CNGB3: variants seen among roughly 807,000 people sequenced by gnomAD.
CNGB3 encodes the protein cyclic nucleotide gated channel subunit beta 3.
Under a neutral mutation model 92.8 loss-of-function variants are expected in CNGB3, and 86 were observed. The ratio of observed to expected loss-of-function variants is 0.93; its 90% CI spans 0.78 to 1.11. CNGB3 has a LOEUF of 1.11. CNGB3 is among the 50% of genes least tolerant of loss of function. The probability of loss-of-function intolerance (pLI) is 0.00; values close to 1 mark genes in which losing one functional copy is unlikely to be tolerated. For missense variants in CNGB3, 1,026 were observed against 956.8 expected (o/e 1.07, Z -0.95); for synonymous variants, 333 against 332.7 (o/e 1.00, Z -0.01).
chr8:86,624,845 G>GC (rs1224716299), intron 13 of CNGB3, among the ~76,000 whole-genome samples: 3 of 152,158 alleles, frequency 2.0e-5, no homozygotes, highest in African/African-American at 7.2e-5. Flanking sequence ...CTGGTGGGAG[G>GC]TGATTAAATC....
chr8:86,721,081 C>T (rs1325969335), intron 3 of CNGB3, among the ~76,000 whole-genome samples: 2 of 151,944 alleles, frequency 1.3e-5, no homozygotes, highest in Admixed American at 1.3e-4. Flanking sequence ...ATTCTCATGC[C>T]TCAGCCTCCT....
intron 3 of CNGB3, among the ~76,000 whole-genome samples, chr8:86,676,392 T>C (rs1332104688): frequency 6.6e-6 from 1 of 152,188 alleles, no homozygotes; most frequent in African/African-American, 2.4e-5. Flanking sequence ...TGTTCATCGC[T>C]GCCTAATAGA....
intron 7 of CNGB3, among the ~76,000 whole-genome samples, chr8:86,651,987 C>G (rs1823411721): frequency 6.6e-6 from 1 of 151,894 alleles, no homozygotes; most frequent in Non-Finnish European, 1.5e-5. Flanking sequence ...GTATTGCCTA[C>G]TACACACGTA....
At chr8:86,659,026 C>A in intron 6 of CNGB3, 1 of 1,002,914 alleles carries the variant, frequency 1.0e-6, no homozygotes, top group Admixed American at 1.9e-5. Flanking sequence ...AGGTGCTCGG[C>A]CTCCACTTAT....
chr8:86,628,762 GA>G (rs35103848), intron 12 of CNGB3, among the ~76,000 whole-genome samples, 156 bp downstream of exon 12: 38,306 of 145,252 alleles, frequency 0.26, 5,252 homozygotes, highest in African/African-American at 0.37. Flanking sequence ...TATATTTCAG[GA>G]AAAAAAAAAA....
chr8:86,689,512 T>A (rs1018502806), intron 3 of CNGB3, among the ~76,000 whole-genome samples: 6 of 150,520 alleles, frequency 4.0e-5, no homozygotes, highest in Non-Finnish European at 7.4e-5. Flanking sequence ...TATATATATT[T>A]TTTTTACTTT....
At chr8:86,611,240 C>A (rs903346857) in intron 14 of CNGB3, among the ~76,000 whole-genome samples, 9 of 152,068 alleles carry the variant, frequency 5.9e-5, no homozygotes, top group African/African-American at 2.2e-4. Flanking sequence ...TGATATTTTG[C>A]CGAAGACATA....
At chr8:86,615,021 A>T (rs1375561883) in intron 13 of CNGB3, among the ~76,000 whole-genome samples, 1 of 152,230 alleles carries the variant, frequency 6.6e-6, no homozygotes, top group African/African-American at 2.4e-5. Context: ...ATACCACAAT[A>T]ACAAAATACA....
At chr8:86,714,131 T>A (rs1824802786) in intron 3 of CNGB3, among the ~76,000 whole-genome samples, 1 of 152,190 alleles carries the variant, frequency 6.6e-6, no homozygotes, top group Admixed American at 6.5e-5. Flanking sequence ...AGTATCACAC[T>A]GAGTTGTTTC....
chr8:86,682,746 A>G (rs185884856), intron 3 of CNGB3, among the ~76,000 whole-genome samples: 2 of 152,304 alleles, frequency 1.3e-5, no homozygotes, highest in East Asian at 1.9e-4. Flanking sequence ...CAATAATGCA[A>G]AATCGCATGT....
intron 15 of CNGB3, among the ~76,000 whole-genome samples, chr8:86,597,841 C>T (rs184985912): frequency 2.0e-4 from 31 of 152,000 alleles, no homozygotes; most frequent in Admixed American, 4.6e-4. Context: ...TAGCTGCGCA[C>T]GATGGCGAAA....
chr8:86,586,736 T>C (rs1267964916), intron 15 of CNGB3, among the ~76,000 whole-genome samples: 2 of 149,782 alleles, frequency 1.3e-5, no homozygotes, highest in Non-Finnish European at 3.0e-5. Flanking sequence ...CAGTCTATCA[T>C]TGTTGGACAT....
At chr8:86,690,631 C>T (rs1358501847) in intron 3 of CNGB3, among the ~76,000 whole-genome samples, 1 of 152,102 alleles carries the variant, frequency 6.6e-6, no homozygotes, top group Non-Finnish European at 1.5e-5. Context: ...GAAGTCCTTG[C>T]CCATGCCTAT....
At chr8:86,671,222 A>G in intron 3 of CNGB3, 124 bp from the exon 4 acceptor site, 1 of 1,036,098 alleles carries the variant, frequency 9.7e-7, no homozygotes. Flanking sequence ...TTGCAATTGA[A>G]TAGCACAATT....
chr8:86,613,845 C>A (rs1429692002), intron 13 of CNGB3, among the ~76,000 whole-genome samples: 4 of 148,382 alleles, frequency 2.7e-5, no homozygotes, highest in African/African-American at 4.9e-5. Flanking sequence ...ATATTGTTTT[C>A]CTGTGGCAGT....
At chr8:86,655,985 A>G (rs1417124045) in intron 6 of CNGB3, among the ~76,000 whole-genome samples, 1 of 152,196 alleles carries the variant, frequency 6.6e-6, no homozygotes, top group African/African-American at 2.4e-5. Context: ...CTGCTGCTTG[A>G]TCAATGTTAA....
chr8:86,657,743 C>CTCCAGG (rs1563743454), intron 6 of CNGB3: 9 of 470,308 alleles, frequency 1.9e-5, no homozygotes, highest in Non-Finnish European at 3.8e-5. Flanking sequence ...GCAGCTCCTG[C>CTCCAGG]AGCTCCAGCA....
At chr8:86,679,827 G>A (rs1824046328) in intron 3 of CNGB3, among the ~76,000 whole-genome samples, 2 of 152,040 alleles carry the variant, frequency 1.3e-5, no homozygotes, top group Non-Finnish European at 2.9e-5. Context: ...CGTCTGGCCA[G>A]GATTGGTGTC....
At chr8:86,592,944 G>T (rs1479658172) in intron 15 of CNGB3, among the ~76,000 whole-genome samples, 2 of 152,144 alleles carry the variant, frequency 1.3e-5, no homozygotes, top group African/African-American at 4.8e-5. Context: ...ATAAATTCTA[G>T]CAAAACTTTT....
Sources: allele counts gnomAD v4.1 joint callset (sites outside exome capture counted in the v4.1 genomes callset), GRCh38; gene constraint gnomAD v4.1.1; transcripts MANE v1.5; gene names NCBI Gene and HGNC (gene_info 2026-07-23, HGNC 2026-07-21).